PMFBP1: variants seen among roughly 807,000 people sequenced by gnomAD.
PMFBP1 encodes polyamine modulated factor 1 binding protein 1.
Under a neutral mutation model 137.8 loss-of-function variants are expected in PMFBP1, and 131 were observed. That is an observed-to-expected ratio of 0.95 (90% confidence interval 0.82 to 1.10). PMFBP1 has a LOEUF of 1.10. Among genes scored for constraint, PMFBP1 ranks in the 50% least tolerant of loss-of-function variants. The pLI is 0.00. For synonymous variants in PMFBP1, 490 were observed against 450.4 expected, an observed-to-expected ratio of 1.09 and a Z score of -1.11; for missense variants, 1,199 against 1,175.4, an observed-to-expected ratio of 1.02 and a Z score of -0.29.
intron 2 of PMFBP1, among the ~76,000 whole-genome samples, chr16:72,165,193 G>T (rs2043127139): frequency 6.6e-6 from 1 of 152,184 alleles, no homozygotes; most frequent in African/African-American, 2.4e-5. Context: ...TCAAGAGGAA[G>T]TCAGTGTCTA....
At chr16:72,224,845 G>A in the PMFBP1 span, 1 of 152,072 alleles carries the variant, frequency 6.6e-6, no homozygotes, top group South Asian at 2.1e-4. Flanking sequence ...GTCACCTCCC[G>A]AGATTCCAGG....
Position 72,130,316 on chromosome 16 carries a change from A to G in PMFBP1, c.1679T>C (p.Leu560Pro), listed in dbSNP as rs2042529559. ...EELSLELSEA[L>P]RKLENSDKEK... ...CTTGTCTGAATTTTCAAGCTTCCTC[A>G]GGGCTTCAGAGAGTTCTAATGACAG... is the stretch of plus-strand genomic sequence containing the variant. The change falls in exon 12 of 21, where the codon CTG (leucine) becomes CCG (proline). Residue 560 changes from leucine (L) to proline (P), a missense_variant. Transcript: ENST00000237353. 6.2e-7 allele frequency: 1 copy of G among 1,614,204 alleles called. No homozygotes were observed. Among genetic ancestry groups the G allele is most frequent in the Non-Finnish European group, 8.5e-7 (1 of 1,180,028 alleles).
chr16:72,196,577 C>T, the PMFBP1 span, among the ~76,000 whole-genome samples: 1 of 152,344 alleles, frequency 6.6e-6, no homozygotes, highest in South Asian at 2.1e-4. Flanking sequence ...ACATGCACGG[C>T]ACTCCTGTTG....
the PMFBP1 span, among the ~76,000 whole-genome samples, chr16:72,191,820 C>G: frequency 3.3e-5 from 5 of 152,178 alleles, no homozygotes; most frequent in African/African-American, 9.7e-5. Context: ...AGTAAAGTAT[C>G]GGGCCTGGTT....
At chr16:72,245,521 A>G in the PMFBP1 span, among the ~76,000 whole-genome samples, 2 of 152,296 alleles carry the variant, frequency 1.3e-5, no homozygotes, top group Non-Finnish European at 1.5e-5. Flanking sequence ...CTTTTCAGAA[A>G]AGGGTGCACT....
chr16:72,154,303 A>T lies in PMFBP1; in HGVS notation c.322T>A (p.Tyr108Asn). 3 of 1,614,156 alleles carry T rather than the reference A, an allele frequency of 1.9e-6. No individual in the cohort carries two copies. The highest frequency in any genetic ancestry group is 2.5e-6 in the Non-Finnish European group (3 of 1,180,018). Reference sequence around the variant, plus strand: ...GACTGATACTGGCGGAGAGAATAGTAAGAAGTCTGCAACTCCTCTGTGTGA... The same window carrying T: ...GACTGATACTGGCGGAGAGAATAGTTAGAAGTCTGCAACTCCTCTGTGTGA... ...EFHTEELQTS[Y>N]YSLRQYQSIL... The change falls in exon 4 of 21, where the codon TAC becomes AAC. Residue 108 changes from tyrosine (Y) to asparagine (N), a missense_variant. Tyr to Asn is a moderately radical substitution (Grantham distance 143). Coordinates refer to ENST00000237353, the MANE Select transcript of PMFBP1 (RefSeq NM_031293.3).
the PMFBP1 span, among the ~76,000 whole-genome samples, chr16:72,230,522 T>C: frequency 1.3e-5 from 2 of 152,182 alleles, no homozygotes; most frequent in African/African-American, 2.4e-5. Context: ...GGTCCAGGTA[T>C]GGCAAACTCA....
the PMFBP1 span, among the ~76,000 whole-genome samples, chr16:72,188,666 T>C: frequency 6.6e-6 from 1 of 152,304 alleles, no homozygotes; most frequent in South Asian, 2.1e-4. Context: ...TGTGGATTAA[T>C]TGGGCTTGGC....
the PMFBP1 span, among the ~76,000 whole-genome samples, chr16:72,239,449 C>G: frequency 6.6e-6 from 1 of 152,184 alleles, no homozygotes; most frequent in African/African-American, 2.4e-5. Flanking sequence ...AACACATTCT[C>G]AATTTATATG....
chr16:72,147,125 A>G (rs1475427225), intron 5 of PMFBP1, among the ~76,000 whole-genome samples: 1 of 152,244 alleles, frequency 6.6e-6, no homozygotes. Flanking sequence ...TTCAAACTAT[A>G]TTACAAGGCT....
chr16:72,178,344 C>A (rs947521998), upstream of PMFBP1, among the ~76,000 whole-genome samples: 1 of 152,086 alleles, frequency 6.6e-6, no homozygotes, highest in African/African-American at 2.4e-5. Context: ...TATTTTTCCC[C>A]ACTATAATTA....
At chr16:72,142,448 G>A (rs374930140) in intron 5 of PMFBP1, among the ~76,000 whole-genome samples, 1 of 152,126 alleles carries the variant, frequency 6.6e-6, no homozygotes, top group South Asian at 2.1e-4. Context: ...GATAAAATAG[G>A]TAAACTATGA....
the PMFBP1 span, among the ~76,000 whole-genome samples, chr16:72,245,731 G>C: frequency 6.6e-6 from 1 of 152,136 alleles, no homozygotes. Context: ...TCTGTACGGT[G>C]CCCTTCCCAA....
At chr16:72,238,127 T>C in the PMFBP1 span, among the ~76,000 whole-genome samples, 1 of 152,244 alleles carries the variant, frequency 6.6e-6, no homozygotes, top group African/African-American at 2.4e-5. Flanking sequence ...TGTGTCTTTG[T>C]GATAGAATGA....
At chr16:72,138,015 C>T (rs1450436471) in intron 7 of PMFBP1, among the ~76,000 whole-genome samples, 1 of 151,960 alleles carries the variant, frequency 6.6e-6, no homozygotes, top group Non-Finnish European at 1.5e-5. Flanking sequence ...CCTAATGGAG[C>T]CCCAGGGAGC....
chr16:72,140,417 C>A lies in PMFBP1; in HGVS notation c.802G>T (p.Ala268Ser). 2 of 1,613,140 alleles carry A rather than the reference C, an allele frequency of 1.2e-6. No homozygotes were observed. Among genetic ancestry groups the A allele is most frequent in the Non-Finnish European group, 8.5e-7 (1 of 1,179,140 alleles). ...ELRNKLACSN[A>S]LVLEREKALI... ...TTCTAGAAGAAGGCACTTACCAAAG[C>A]GTTACTGCAGGCCAGCTTATTTCGA... Residue 268 changes from alanine (A) to serine (S), a missense_variant, in exon 6 of 21, where the codon GCT becomes TCT. Transcript: ENST00000237353.
chr16:72,222,809 C>T, the PMFBP1 span, among the ~76,000 whole-genome samples: 2 of 152,068 alleles, frequency 1.3e-5, no homozygotes, highest in African/African-American at 2.4e-5. Context: ...AAGCCCTTAG[C>T]AAAGTGCCTG....
At chr16:72,167,622 C>A (rs1298630088) in intron 2 of PMFBP1, among the ~76,000 whole-genome samples, 1 of 152,186 alleles carries the variant, frequency 6.6e-6, no homozygotes, top group East Asian at 1.9e-4. Context: ...GTGGTCACCA[C>A]ACTGGGAATA....
chr16:72,210,102 C>G, the PMFBP1 span, among the ~76,000 whole-genome samples: 1 of 152,212 alleles, frequency 6.6e-6, no homozygotes, highest in Non-Finnish European at 1.5e-5. Flanking sequence ...AAATTCCATC[C>G]ACCTGTACCA....
Sources: gnomAD v4.1 joint callset for allele counts (sites outside exome capture counted in the v4.1 genomes callset) on GRCh38, gnomAD v4.1.1 for gene constraint, MANE v1.5 for transcripts, NCBI Gene and HGNC (gene_info 2026-07-23, HGNC 2026-07-21) for gene names.